TSPAN12: variants seen among roughly 807,000 people sequenced by gnomAD.
TSPAN12 encodes the protein tetraspanin 12.
Under a neutral mutation model 39.2 loss-of-function variants are expected in TSPAN12, and 19 were observed. The observed-to-expected ratio is 0.49, with a 90% confidence interval of 0.34 to 0.71. The LOEUF (loss-of-function observed/expected upper bound fraction) is 0.71. Ranked by LOEUF, TSPAN12 falls within the 30% of genes least tolerant of loss-of-function variation. The pLI is 0.01. For missense variants in TSPAN12, 314 were observed against 359.9 expected (o/e 0.87, Z 1.03); for synonymous variants, 119 against 124.8 (o/e 0.95, Z 0.31).
At chr7:120,852,336 T>C (rs1030353243) in intron 2 of TSPAN12, among the ~76,000 whole-genome samples, 3 of 152,106 alleles carry the variant, frequency 2.0e-5, no homozygotes, top group Admixed American at 1.3e-4. Context: ...GGGGACAAGG[T>C]TGTCAATCTT....
intron 2 of TSPAN12, among the ~76,000 whole-genome samples, chr7:120,848,806 C>G (rs964050775): frequency 1.3e-5 from 2 of 152,160 alleles, no homozygotes; most frequent in African/African-American, 4.8e-5. Context: ...ACAGTTTCAT[C>G]CTCAACAAGT....
At position 120,806,832 on chromosome 7, in the gene TSPAN12, T is replaced by C. The variant is rs118119213; in HGVS notation, c.469-140A>G. 25,344 of 1,065,854 alleles carry C rather than the reference T, an allele frequency of 0.024. 432 individuals carry two copies. The highest frequency in any genetic ancestry group is 0.03 in the Non-Finnish European group (21,519 of 723,194). 66.0% of individuals were successfully genotyped at this position (1,065,854 alleles called of 1,614,324 possible). On this transcript the variant is annotated intron_variant, in intron 6 of 7. Coordinates refer to ENST00000222747, the MANE Select transcript of TSPAN12 (RefSeq NM_012338.4). ...CCTAATGATATATGTACAGTCTATG[T>C]TGATGATAGAAATGTAGTAAAGGAA...
At chr7:120,848,820 G>T (rs1182589021) in intron 2 of TSPAN12, among the ~76,000 whole-genome samples, 1 of 152,128 alleles carries the variant, frequency 6.6e-6, no homozygotes, top group Non-Finnish European at 1.5e-5. Context: ...AACAAGTGAG[G>T]CTTTACTCAC....
At chr7:120,845,182 T>TGCAGGGCA (rs1032010922) in intron 2 of TSPAN12, among the ~76,000 whole-genome samples, 37 of 152,174 alleles carry the variant, frequency 2.4e-4, no homozygotes, top group African/African-American at 8.7e-4. Flanking sequence ...CCCAAGGTTC[T>TGCAGGGCA]GCAGGGCAGC....
At chr7:120,802,529 G>A (rs567959874) in intron 7 of TSPAN12, among the ~76,000 whole-genome samples, 4 of 151,870 alleles carry the variant, frequency 2.6e-5, no homozygotes, top group South Asian at 4.1e-4. Flanking sequence ...CTTGTTAAAC[G>A]TATGTATCCG....
chr7:120,794,904 C>A (rs1793601839), intron 7 of TSPAN12, among the ~76,000 whole-genome samples: 1 of 152,194 alleles, frequency 6.6e-6, no homozygotes, highest in Non-Finnish European at 1.5e-5. Flanking sequence ...TCAACCTGAA[C>A]ATAACCCTGA....
At chr7:120,852,705 C>T (rs1238751299) in intron 2 of TSPAN12, among the ~76,000 whole-genome samples, 4 of 152,188 alleles carry the variant, frequency 2.6e-5, no homozygotes, top group Non-Finnish European at 5.9e-5. Flanking sequence ...GTTTACTTGA[C>T]TTCTCTCATG....
chr7:120,847,481 C>T (rs566785603), intron 2 of TSPAN12, among the ~76,000 whole-genome samples: 2 of 152,298 alleles, frequency 1.3e-5, no homozygotes, highest in African/African-American at 4.8e-5. Flanking sequence ...ATCTCTAACA[C>T]TAAACTTACC....
intron 4 of TSPAN12, among the ~76,000 whole-genome samples, chr7:120,825,905 A>G (rs1794276951): frequency 6.6e-6 from 1 of 152,194 alleles, no homozygotes; most frequent in African/African-American, 2.4e-5. Context: ...TCTCTCTACA[A>G]TTTTTTTAAA....
intron 4 of TSPAN12, among the ~76,000 whole-genome samples, chr7:120,832,091 C>A (rs1794400561): frequency 6.6e-6 from 1 of 151,934 alleles, no homozygotes; most frequent in African/African-American, 2.4e-5. Flanking sequence ...TGATGTCAAG[C>A]AATACAAACA....
At chr7:120,824,218 G>T (rs1309501762) in intron 4 of TSPAN12, among the ~76,000 whole-genome samples, 1 of 150,936 alleles carries the variant, frequency 6.6e-6, no homozygotes, top group Non-Finnish European at 1.5e-5. Context: ...AGATCACAAG[G>T]TCAAGAGATC....
intron 2 of TSPAN12, among the ~76,000 whole-genome samples, chr7:120,840,503 CA>C (rs869285495): frequency 3.0e-4 from 1 of 3,320 alleles, no homozygotes; most frequent in Non-Finnish European, 3.8e-4. Context: ...AAAAAAGTCA[CA>C]AGTTAATTTA....
At chr7:120,817,787 T>C (rs1794113011) in intron 4 of TSPAN12, among the ~76,000 whole-genome samples, 1 of 152,138 alleles carries the variant, frequency 6.6e-6, no homozygotes, top group African/African-American at 2.4e-5. Context: ...GAATATTCCA[T>C]TCTATTTACA....
chr7:120,841,117 G>A (rs1331016695), intron 2 of TSPAN12, among the ~76,000 whole-genome samples: 1 of 152,200 alleles, frequency 6.6e-6, no homozygotes, highest in African/African-American at 2.4e-5. Flanking sequence ...TCAGAATAGA[G>A]AAAGTAGGCA....
chr7:120,837,238 T>C (rs1379316049), intron 4 of TSPAN12, among the ~76,000 whole-genome samples: 1 of 152,172 alleles, frequency 6.6e-6, no homozygotes, highest in African/African-American at 2.4e-5. Flanking sequence ...CCTTTCACTA[T>C]ATACCTATAT....
intron 4 of TSPAN12, among the ~76,000 whole-genome samples, chr7:120,828,506 C>G (rs748907163): frequency 6.6e-6 from 1 of 152,106 alleles, no homozygotes; most frequent in Admixed American, 6.5e-5. Flanking sequence ...TCCTCCAAAG[C>G]GCCTTTCTCC....
At chr7:120,824,787 A>G (rs1794253699) in intron 4 of TSPAN12, among the ~76,000 whole-genome samples, 1 of 152,180 alleles carries the variant, frequency 6.6e-6, no homozygotes, top group Non-Finnish European at 1.5e-5. Context: ...TATTCATCTA[A>G]TGAAGACAAA....
chr7:120,853,198 A>G (rs961020487), intron 2 of TSPAN12, among the ~76,000 whole-genome samples: 2 of 150,806 alleles, frequency 1.3e-5, no homozygotes, highest in Non-Finnish European at 2.9e-5. Flanking sequence ...GGTTCAAGTG[A>G]TTCTCCTACC....
chr7:120,827,146 C>T (rs954675738), intron 4 of TSPAN12, among the ~76,000 whole-genome samples: 6 of 151,056 alleles, frequency 4.0e-5, no homozygotes, highest in African/African-American at 1.5e-4. Context: ...AACTTTTTAG[C>T]TTATCTATAA....
Sources: allele counts gnomAD v4.1 joint callset (sites outside exome capture counted in the v4.1 genomes callset), GRCh38; gene constraint gnomAD v4.1.1; transcripts MANE v1.5; gene names NCBI Gene and HGNC (gene_info 2026-07-23, HGNC 2026-07-21).